Variants in PDXK observed in about 807,000 individuals in gnomAD.
The protein encoded by PDXK is epididymis secretory sperm binding protein Li 1a.
Under a neutral mutation model 43.2 loss-of-function variants are expected in PDXK, and 15 were observed. The observed-to-expected ratio is 0.35, with a 90% CI of 0.23 to 0.53. The LOEUF is 0.53. Among genes scored for constraint, PDXK ranks in the 20% least tolerant of loss-of-function variants. The pLI is 0.92. For synonymous variants in PDXK, 172 were observed against 165.4 expected, an observed-to-expected ratio of 1.04 and a Z score of -0.31; for missense variants, 343 against 417.0, an observed-to-expected ratio of 0.82 and a Z score of 1.54.
chr21:43,755,879 A>T, intron 10 of PDXK, 72 bp from the exon 11 acceptor site: 1 of 1,439,802 alleles, frequency 6.9e-7, no homozygotes, highest in Non-Finnish European at 9.7e-7. Context: ...TGCTGACCTC[A>T]CCTCTGGGAG....
intron 7 of PDXK, among the ~76,000 whole-genome samples, chr21:43,750,839 T>C (rs2147303759): frequency 6.9e-6 from 1 of 144,730 alleles, no homozygotes; most frequent in East Asian, 2.0e-4. Context: ...TGTGTGCACG[T>C]GTGTGTGTGC....
At position 43,732,249 on chromosome 21, in the gene PDXK, C is replaced by G. The variant is rs2147225258; in HGVS notation, c.88-1820C>G. 2 of 1,479,994 alleles carry G rather than the reference C, an allele frequency of 1.4e-6. No individual in the cohort carries two copies. The highest frequency in any genetic ancestry group is 4.9e-5 in the East Asian group (2 of 41,072). The allele number at this position is 1,479,994 out of a possible 1,614,324, so 91.7% of individuals were successfully genotyped here. On this transcript the variant is annotated intron_variant, in intron 1 of 10. Transcript: ENST00000291565. This position sits in a 1 kb window ranked among gnomAD's most constrained non-coding sequence, Gnocchi z 4.1. Reference sequence around the variant, plus strand: ...TCCGGCACAGAGCGCTGGCTTCCAGCTGAAGGACATGTGTAACAGCAGGAG... The same window carrying G: ...TCCGGCACAGAGCGCTGGCTTCCAGGTGAAGGACATGTGTAACAGCAGGAG...
At chr21:43,726,693 C>A (rs766885856) in intron 1 of PDXK, among the ~76,000 whole-genome samples, 33 of 152,198 alleles carry the variant, frequency 2.2e-4, no homozygotes, top group Non-Finnish European at 2.5e-4. Context: ...CAGGCATGAG[C>A]CACTGCACCC....
intron 1 of PDXK, among the ~76,000 whole-genome samples, chr21:43,726,250 G>A (rs138175618): frequency 3.4e-5 from 5 of 148,498 alleles, no homozygotes; most frequent in East Asian, 3.9e-4. Flanking sequence ...TATCGGTCCC[G>A]TTTTCCATTT....
intron 2 of PDXK, chr21:43,739,007 C>T (rs2083449993): frequency 6.6e-6 from 1 of 150,922 alleles, no homozygotes; most frequent in South Asian, 2.1e-4. Context: ...GATCTCCACT[C>T]ACTGCAAGCT....
In PDXK at chr21:43,732,226, C is replaced by T. The variant is rs915900673; in HGVS notation, c.88-1843C>T. 2.1e-5 allele frequency: 30 copies of T among 1,452,900 alleles called. No homozygotes were observed. The highest frequency in any genetic ancestry group is 5.0e-5 in the East Asian group (2 of 40,222). The allele number at this position is 1,452,900 out of a possible 1,614,324, so 90.0% of individuals were successfully genotyped here. A position where few individuals can be genotyped will look rare whatever the true frequency, so the allele number is the denominator to read the frequency against. On this transcript the variant is annotated intron_variant, in intron 1 of 10. Coordinates refer to ENST00000291565, the MANE Select transcript of PDXK (RefSeq NM_003681.5). The surrounding 1 kb of genome is among the most constrained non-coding windows in gnomAD (Gnocchi z 4.1). ...AGATGCCAATTCCAGAGGCATGGTC[C>T]GGCACAGAGCGCTGGCTTCCAGCTG...
Position 43,720,817 on chromosome 21 carries a change from C to G in PDXK, c.87+1436C>G, listed in dbSNP as rs368914175. On this transcript the variant is annotated intron_variant, in intron 1 of 10. Coordinates refer to ENST00000291565, the MANE Select transcript of PDXK (RefSeq NM_003681.5). ...AACCAGGGGGCTCTGAGGACAGCGT[C>G]CACTCTCTTGGCAGAAGTGTGCAGG... Among the ~76,000 whole-genome samples, 39 of 152,308 alleles carry G rather than the reference C, an allele frequency of 2.6e-4. No individual in the cohort carries two copies. The East Asian group carries it at 5.6e-3, about 22-fold the overall frequency.
intron 1 of PDXK, 29 bp downstream of exon 1, chr21:43,719,410 C>T (rs1396287817): frequency 6.6e-7 from 1 of 1,507,410 alleles, no homozygotes; most frequent in South Asian, 1.2e-5. Flanking sequence ...CCCGGGCTTA[C>T]GTAACCCGAG....
At chr21:43,739,855 G>A (rs2083463479) in intron 2 of PDXK, among the ~76,000 whole-genome samples, 1 of 151,718 alleles carries the variant, frequency 6.6e-6, no homozygotes, top group African/African-American at 2.4e-5. Context: ...GGGCAGAAAG[G>A]ACCAGGAGGG....
intron 6 of PDXK, among the ~76,000 whole-genome samples, chr21:43,749,731 C>T (rs1434922258): frequency 6.6e-6 from 1 of 152,148 alleles, no homozygotes; most frequent in East Asian, 1.9e-4. Context: ...GGAGGGGCGA[C>T]CTGGGGAGCT....
At chr21:43,751,463 C>T (rs1180054422) in intron 7 of PDXK, among the ~76,000 whole-genome samples, 3 of 152,186 alleles carry the variant, frequency 2.0e-5, no homozygotes, top group Non-Finnish European at 4.4e-5. Context: ...GCAGGAGAAT[C>T]GCTTGAAGCC....
intron 4 of PDXK, chr21:43,745,750 A>T (rs2083628174): frequency 6.4e-6 from 2 of 311,186 alleles, no homozygotes; most frequent in African/African-American, 4.1e-5. Flanking sequence ...TGATCTGAGC[A>T]CTTTGGGAGG....
chr21:43,722,633 C>CA (rs1382731730), intron 1 of PDXK, among the ~76,000 whole-genome samples: 1 of 151,778 alleles, frequency 6.6e-6, no homozygotes, highest in Non-Finnish European at 1.5e-5. Flanking sequence ...TCCCTCCATA[C>CA]AAGGGTCCTT....
At chr21:43,750,585 C>T (rs749315545) in intron 7 of PDXK, 40 bp downstream of exon 7, 13 of 1,549,684 alleles carry the variant, frequency 8.4e-6, no homozygotes, top group South Asian at 2.3e-5. Flanking sequence ...GCACATGTGC[C>T]GCTCACGGTG....
At chr21:43,755,123 C>T (rs949466295) in intron 9 of PDXK, among the ~76,000 whole-genome samples, 2 of 152,222 alleles carry the variant, frequency 1.3e-5, no homozygotes, top group Non-Finnish European at 2.9e-5. Context: ...TTTGGCCAGC[C>T]CAGGGTTGTG....
chr21:43,740,412 A>G (rs1224531119), intron 2 of PDXK, among the ~76,000 whole-genome samples: 1 of 151,982 alleles, frequency 6.6e-6, no homozygotes, highest in Non-Finnish European at 1.5e-5. Flanking sequence ...TATTCTAGGA[A>G]CCCATACATC....
rs2083902719 is a variant in PDXK, at chr21:43,759,641, G to T, written c.*3578G>T. The T allele has an allele frequency of 6.5e-6, 1 of 153,298 alleles. No homozygotes were observed. The highest frequency in any genetic ancestry group is 2.4e-5 in the African/African-American group (1 of 41,448). The allele number at this position is 153,298 out of a possible 1,614,324, so 9.5% of individuals were successfully genotyped here. On this transcript the variant is annotated 3_prime_UTR_variant, in exon 11 of 11. Coordinates refer to ENST00000291565, the MANE Select transcript of PDXK (RefSeq NM_003681.5). ...GCCCAGAGCAGGGGAACTGGAGTTT[G>T]TGAGTGAGCAGAGCAGGTTATGTGC...
chr21:43,737,202 G>C lies in PDXK; in HGVS notation c.142+3079G>C. The C allele has an allele frequency of 1.0e-5, 15 of 1,440,100 alleles. No homozygotes were observed. The highest frequency in any genetic ancestry group is 1.5e-5 in the South Asian group (1 of 67,942). The allele number at this position is 1,440,100 out of a possible 1,614,324, so 89.2% of individuals were successfully genotyped here. A position where few individuals can be genotyped will look rare whatever the true frequency, so the allele number is the denominator to read the frequency against. The stretch of plus-strand genomic sequence containing the variant: ...GACACGGGTGTTCCACACAAGCTGC[G>C]TTGTTGGTTCCCTGACGCCCTTCAG... On this transcript the variant is annotated intron_variant, in intron 2 of 10. Coordinates refer to ENST00000291565, the MANE Select transcript of PDXK (RefSeq NM_003681.5). This position sits in a 1 kb window ranked among gnomAD's most constrained non-coding sequence, Gnocchi z 4.8.
chr21:43,735,702 A>G lies in PDXK; in HGVS notation c.142+1579A>G, dbSNP rs369032074. ...TAGGACCCCTTAGCCAGCTCAGTCT[A>G]TGGCTGTGGGCTGGCTCCCAGCCCC... On this transcript the variant is annotated intron_variant, in intron 2 of 10. Coordinates refer to ENST00000291565, the MANE Select transcript of PDXK (RefSeq NM_003681.5). The surrounding 1 kb of genome is among the most constrained non-coding windows in gnomAD (Gnocchi z 5.3). Among the ~76,000 whole-genome samples, 3 of 151,138 alleles carry G rather than the reference A, an allele frequency of 2.0e-5. No homozygotes were observed. Among genetic ancestry groups the G allele is most frequent in the South Asian group, 2.1e-4 (1 of 4,768 alleles).
Sources: allele counts gnomAD v4.1 joint callset (sites outside exome capture counted in the v4.1 genomes callset), GRCh38; gene constraint gnomAD v4.1.1; non-coding constraint Gnocchi (gnomAD v3.1); transcripts MANE v1.5; gene names NCBI Gene and HGNC (gene_info 2026-07-23, HGNC 2026-07-21).